MAN1A1: variants seen among roughly 807,000 people sequenced by gnomAD.
The protein encoded by MAN1A1 is mannosyl-oligosaccharide 1,2-alpha-mannosidase IA.
A neutral mutation model predicts 70.8 loss-of-function variants in MAN1A1; 29 were observed. That is an observed-to-expected ratio of 0.41 (90% CI 0.31 to 0.56). The LOEUF (loss-of-function observed/expected upper bound fraction) is 0.56. MAN1A1 is among the 20% of genes least tolerant of loss of function. The probability of loss-of-function intolerance (pLI) is 0.29; values close to 1 mark genes in which losing one functional copy is unlikely to be tolerated. For synonymous variants in MAN1A1, 349 were observed against 330.1 expected, an observed-to-expected ratio of 1.06 and a Z score of -0.62; for missense variants, 747 against 841.3, an observed-to-expected ratio of 0.89 and a Z score of 1.39.
intron 6 of MAN1A1, among the ~76,000 whole-genome samples, chr6:119,228,352 A>G (rs1774577942): frequency 6.6e-6 from 1 of 152,206 alleles, no homozygotes; most frequent in African/African-American, 2.4e-5. Flanking sequence ...CATAATGCAA[A>G]TATCATGACA....
intron 2 of MAN1A1, among the ~76,000 whole-genome samples, chr6:119,342,776 T>G (rs933163177): frequency 6.6e-6 from 1 of 152,224 alleles, no homozygotes; most frequent in African/African-American, 2.4e-5. Flanking sequence ...GCTGTCATTC[T>G]TCTATTATCC....
chr6:119,306,135 G>A (rs925235701), intron 3 of MAN1A1, among the ~76,000 whole-genome samples: 3 of 152,186 alleles, frequency 2.0e-5, no homozygotes, highest in Admixed American at 1.3e-4. Context: ...AGTATAGAAA[G>A]TGTTCTATTG....
In MAN1A1 at chr6:119,342,982, C is replaced by T. The variant is rs570813303; in HGVS notation, c.603+5481G>A. Among the ~76,000 whole-genome samples, 16 of 152,226 alleles carry T rather than the reference C, an allele frequency of 1.1e-4. No homozygotes were observed. In the South Asian group the frequency reaches 1.9e-3, roughly 18 times the overall value. On this transcript the variant is annotated intron_variant, in intron 2 of 12. Coordinates refer to ENST00000368468, the MANE Select transcript of MAN1A1 (RefSeq NM_005907.4). ...AACTGAATGATTACAAATGCCTGTG[C>T]TTCTTGGAGAGATCTTTATAAAGAA...
intron 3 of MAN1A1, among the ~76,000 whole-genome samples, chr6:119,302,793 T>C (rs1381967285): frequency 1.3e-5 from 2 of 152,164 alleles, no homozygotes; most frequent in Non-Finnish European, 2.9e-5. Context: ...TAAATATAAT[T>C]AGATCTAAAA....
chr6:119,238,700 A>G (rs1185081794), intron 6 of MAN1A1, among the ~76,000 whole-genome samples: 1 of 152,216 alleles, frequency 6.6e-6, no homozygotes, highest in East Asian at 1.9e-4. Context: ...AACTCTCAGT[A>G]GCATCTTAAG....
intron 2 of MAN1A1, among the ~76,000 whole-genome samples, chr6:119,347,871 T>TGCA (rs1251334262): frequency 6.6e-6 from 1 of 152,264 alleles, no homozygotes; most frequent in Non-Finnish European, 1.5e-5. Context: ...TTTCTGGCTG[T>TGCA]GCATTAGAAA....
intron 5 of MAN1A1, among the ~76,000 whole-genome samples, chr6:119,276,324 A>G (rs1253780462): frequency 6.6e-6 from 1 of 152,166 alleles, no homozygotes; most frequent in African/African-American, 2.4e-5. Flanking sequence ...TTACCCCCTT[A>G]TCATGTAAAT....
At chr6:119,299,984 T>A (rs767449186) in intron 4 of MAN1A1, among the ~76,000 whole-genome samples, 52 of 152,292 alleles carry the variant, frequency 3.4e-4, no homozygotes, top group Middle Eastern at 3.4e-3. Context: ...TTGAGGAGGT[T>A]TGGGGCAACA....
At chr6:119,348,383 T>A in intron 2 of MAN1A1, 80 bp downstream of exon 2, 2 of 1,346,508 alleles carry the variant, frequency 1.5e-6, no homozygotes, top group Non-Finnish European at 2.0e-6. Flanking sequence ...ATTGTTGCAG[T>A]CTTCAGAGTT....
chr6:119,244,571 G>T (rs1226707833), intron 6 of MAN1A1, among the ~76,000 whole-genome samples: 1 of 152,058 alleles, frequency 6.6e-6, no homozygotes, highest in Non-Finnish European at 1.5e-5. Flanking sequence ...CCGCTTTTGG[G>T]ATAGAGTTCC....
intron 6 of MAN1A1, among the ~76,000 whole-genome samples, chr6:119,236,231 T>C (rs1293804444): frequency 1.3e-5 from 2 of 151,946 alleles, no homozygotes; most frequent in Non-Finnish European, 2.9e-5. Flanking sequence ...ATTTATAACA[T>C]GGCTTACTGA....
chr6:119,215,597 A>G lies in MAN1A1; in HGVS notation c.993-10715T>C, dbSNP rs140230788. Among the ~76,000 whole-genome samples, 917 of 152,338 alleles carry G rather than the reference A, an allele frequency of 6.0e-3. 7 individuals carry two copies. Among genetic ancestry groups the G allele is most frequent in the African/African-American group, 0.021 (870 of 41,570 alleles). ...AGCAATGAGCCAGTGGGAAGATTCC[A>G]CAATTTATAGATTGGGTCTACACTT... is the stretch of plus-strand genomic sequence containing the variant. On this transcript the variant is annotated intron_variant, in intron 6 of 12. Transcript: ENST00000368468.
intron 2 of MAN1A1, among the ~76,000 whole-genome samples, chr6:119,315,934 T>C (rs1772839568): frequency 6.6e-6 from 1 of 152,214 alleles, no homozygotes; most frequent in Non-Finnish European, 1.5e-5. Flanking sequence ...CTCAGGGTTT[T>C]TGGTCTGTTT....
chr6:119,289,001 C>T (rs1776457119), intron 5 of MAN1A1, among the ~76,000 whole-genome samples: 1 of 151,428 alleles, frequency 6.6e-6, no homozygotes, highest in African/African-American at 2.4e-5. Context: ...AAAAAATATC[C>T]TTACAAAGTC....
At chr6:119,336,251 G>C (rs577183162) in intron 2 of MAN1A1, among the ~76,000 whole-genome samples, 1 of 152,074 alleles carries the variant, frequency 6.6e-6, no homozygotes, top group Non-Finnish European at 1.5e-5. Flanking sequence ...TGTATTTTTC[G>C]TAGAGACAGG....
chr6:119,314,595 A>G (rs577661837), intron 2 of MAN1A1, among the ~76,000 whole-genome samples: 1 of 152,292 alleles, frequency 6.6e-6, no homozygotes, highest in South Asian at 2.1e-4. Flanking sequence ...CTATACACTG[A>G]ACAGAGCCCT....
chr6:119,270,272 T>A (rs1232141309), intron 5 of MAN1A1, among the ~76,000 whole-genome samples: 1 of 152,224 alleles, frequency 6.6e-6, no homozygotes, highest in Non-Finnish European at 1.5e-5. Context: ...CTAGGTCTTT[T>A]CAGGGGACAT....
intron 2 of MAN1A1, among the ~76,000 whole-genome samples, chr6:119,323,462 T>A (rs949302543): frequency 6.6e-6 from 1 of 152,176 alleles, no homozygotes; most frequent in Non-Finnish European, 1.5e-5. Flanking sequence ...ATGTAATCAA[T>A]TATCAAGTAT....
At position 119,189,773 on chromosome 6, in the gene MAN1A1, C is replaced by A; in HGVS notation, c.1437G>T (p.Gly479=). 6.2e-7 allele frequency: 1 copy of A among 1,614,076 alleles called. No individual in the cohort carries two copies. The highest frequency in any genetic ancestry group is 1.7e-5 in the Admixed American group (1 of 60,014). The change falls in exon 10 of 13, where the codon GGG becomes GGT. Residue 479 remains glycine (G), a synonymous_variant. Transcript: ENST00000368468. ...CATCAGCCCCGAGTGCGAACATGCC[C>A]CCCGCGAAGCAGGTCAGGTGGCCCA... ...HKMGHLTCFA[G]GMFALGADAA...
Sources: gnomAD v4.1 joint callset for allele counts (sites outside exome capture counted in the v4.1 genomes callset) on GRCh38, gnomAD v4.1.1 for gene constraint, MANE v1.5 for transcripts, NCBI Gene and HGNC (gene_info 2026-07-23, HGNC 2026-07-21) for gene names.